TVP23C: variants seen among roughly 807,000 people sequenced by gnomAD.
TVP23C encodes the protein trans-golgi network vesicle protein 23 homolog C, also known as Golgi apparatus membrane protein TVP23 homolog C.
TVP23C carries 19 observed loss-of-function variants against 28.7 expected under a neutral mutation model. The ratio of observed to expected loss-of-function variants is 0.66; its 90% confidence interval spans 0.46 to 0.97. The LOEUF (loss-of-function observed/expected upper bound fraction) is 0.97, where lower values mean the gene tolerates loss of function less well. Ranked by LOEUF, TVP23C falls within the 50% of genes least tolerant of loss-of-function variation. The pLI is 0.00. For synonymous variants in TVP23C, 68 were observed against 81.7 expected (o/e 0.83, Z 0.90); for missense variants, 186 against 241.3 (o/e 0.77, Z 1.52).
intron 5 of TVP23C, among the ~76,000 whole-genome samples, chr17:15,518,283 G>A (rs1192292926): frequency 6.6e-6 from 1 of 152,060 alleles, no homozygotes; most frequent in Non-Finnish European, 1.5e-5. Context: ...ATATAAGGGG[G>A]TTCAGAGATG....
intron 1 of TVP23C, among the ~76,000 whole-genome samples, chr17:15,557,993 T>C (rs1237081978): frequency 1.3e-5 from 2 of 149,276 alleles, no homozygotes; most frequent in African/African-American, 2.4e-5. Flanking sequence ...TTCAGATCTA[T>C]GAAACTAGTG....
chr17:15,507,063 C>A lies in TVP23C; in HGVS notation c.463-3831G>T. On this transcript the variant is annotated intron_variant, in intron 5 of 5. Transcript: ENST00000225576. ...CAGAGTTTATGTGTCAGGGCGGTGA[C>A]TTCACATGCCATAATGGCACTGGTG... 3.3e-6 allele frequency: 4 copies of A among 1,230,232 alleles called. No homozygotes were observed. The South Asian group carries it at 4.8e-5, about 15-fold the overall frequency. 76.2% of individuals were successfully genotyped at this position (1,230,232 alleles called of 1,614,324 possible). A position where few individuals can be genotyped will look rare whatever the true frequency, so the allele number is the denominator to read the frequency against.
downstream of TVP23C, among the ~76,000 whole-genome samples, chr17:15,533,668 CACCATGGGGA>C (rs1198692385): frequency 2.0e-5 from 3 of 152,110 alleles, no homozygotes; most frequent in African/African-American, 7.2e-5. Context: ...AGAGATCACA[CACCATGGGGA>C]ACCATGGGGT....
rs1983271702 is a variant in TVP23C at position 15,538,755 on chromosome 17, T to C, written c.*1657A>G. On this transcript the variant is annotated 3_prime_UTR_variant, in exon 6 of 6. Coordinates refer to ENST00000518321, the MANE Select transcript of TVP23C (RefSeq NM_001135036.2). ...GCCAGGTTTAAGGTTTAATTTCACCTGTATTCCATGTTCCTCCCCACCTTC... is the reference window on the plus strand; with the variant it reads ...GCCAGGTTTAAGGTTTAATTTCACCCGTATTCCATGTTCCTCCCCACCTTC... The C allele has an allele frequency of 2.0e-6, 2 of 985,316 alleles. No individual in the cohort carries two copies. The highest frequency in any genetic ancestry group is 4.7e-5 in the South Asian group (1 of 21,296). The allele number at this position is 985,316 out of a possible 1,614,324, so 61.0% of individuals were successfully genotyped here.
Position 15,545,911 on chromosome 17 carries a change from G to A in TVP23C, c.336C>T (p.Ser112=), listed in dbSNP as rs759271824. The part of the protein sequence containing the change: ...SHWVFESRKE[S]SQENKTVSEA... Reference sequence around the variant, plus strand: ...CTGACACAGTTTTATTCTCTTGAGAGGACTCCTATAAAAGAACATAAATTC... The same window carrying A: ...CTGACACAGTTTTATTCTCTTGAGAAGACTCCTATAAAAGAACATAAATTC... Residue 112 remains serine, a synonymous_variant, in exon 5 of 6, where the codon TCC becomes TCT. Transcript: ENST00000518321. 114 of 1,610,346 alleles carry A rather than the reference G, an allele frequency of 7.1e-5. No individual in the cohort carries two copies. The highest frequency in any genetic ancestry group is 1.7e-5 in the Admixed American group (1 of 58,570).
chr17:15,510,016 T>C (rs528013677), intron 5 of TVP23C, among the ~76,000 whole-genome samples: 2 of 152,342 alleles, frequency 1.3e-5, no homozygotes, highest in South Asian at 2.1e-4. Context: ...TGGTAAGACA[T>C]ACCCTGATTT....
intron 5 of TVP23C, among the ~76,000 whole-genome samples, chr17:15,504,951 C>A (rs1011437665): frequency 1.3e-5 from 2 of 152,122 alleles, no homozygotes; most frequent in Admixed American, 6.6e-5. Context: ...TTCCATTGAT[C>A]TTCTTCTGGA....
chr17:15,507,867 C>T (rs373283347), intron 5 of TVP23C, among the ~76,000 whole-genome samples: 1 of 151,704 alleles, frequency 6.6e-6, no homozygotes, highest in Admixed American at 6.6e-5. Context: ...AACTAAATAA[C>T]AAAAAAAAGA....
In TVP23C at chr17:15,538,078, A is replaced by G; in HGVS notation, c.*2334T>C. 6.2e-7 allele frequency: 1 copy of G among 1,610,070 alleles called. No homozygotes were observed. The highest frequency in any genetic ancestry group is 8.5e-7 in the Non-Finnish European group (1 of 1,178,598). On this transcript the variant is annotated 3_prime_UTR_variant, in exon 6 of 6. Coordinates refer to ENST00000518321, the MANE Select transcript of TVP23C (RefSeq NM_001135036.2). ...TAAGCTCTAAAAGGTTGAGTCAAGA[A>G]TCTCTTCAGTTGTTCCCCAATGTAA...
rs1303314233 is a variant in TVP23C, at chr17:15,559,556, C to T, written c.12+3881G>A. ...TGACTCACCTGTTAGAAAGAGAATT[C>T]TGGCTACTGTAGTAAAAATCTGGAG... On this transcript the variant is annotated intron_variant, in intron 1 of 5. Coordinates refer to ENST00000518321, the MANE Select transcript of TVP23C (RefSeq NM_001135036.2). Among the ~76,000 whole-genome samples the T allele has an allele frequency of 3.4e-5, 5 of 148,354 alleles. No homozygotes were observed. In the East Asian group the frequency reaches 9.8e-4, roughly 29 times the overall value.
rs982507106 is a variant in TVP23C at position 15,538,330 on chromosome 17, C to T, written c.*2082G>A. 1.3e-5 allele frequency: 12 copies of T among 949,666 alleles called. No individual in the cohort carries two copies. The highest frequency in any genetic ancestry group is 5.3e-5 in the African/African-American group (3 of 56,294). The allele number at this position is 949,666 out of a possible 1,614,324, so 58.8% of individuals were successfully genotyped here. A position where few individuals can be genotyped will look rare whatever the true frequency, so the allele number is the denominator to read the frequency against. On this transcript the variant is annotated 3_prime_UTR_variant, in exon 6 of 6. Coordinates refer to ENST00000518321, the MANE Select transcript of TVP23C (RefSeq NM_001135036.2). ...GCTAGGCTGGGCGCCGTGGCTTACA[C>T]CTGTAATCCCAGCACTTTGGGAGGC...
intron 5 of TVP23C, among the ~76,000 whole-genome samples, chr17:15,542,036 C>T (rs945271183): frequency 7.9e-5 from 12 of 152,220 alleles, no homozygotes; most frequent in South Asian, 2.1e-4. Context: ...CAGCAAACAG[C>T]GTTTTTAAAA....
At chr17:15,541,102 T>C (rs905875662) in intron 5 of TVP23C, among the ~76,000 whole-genome samples, 29 of 152,180 alleles carry the variant, frequency 1.9e-4, no homozygotes, top group Non-Finnish European at 3.7e-4. Context: ...GAGAGACAGC[T>C]CCAAGGGGAA....
chr17:15,509,485 G>A (rs1981911625), intron 5 of TVP23C, among the ~76,000 whole-genome samples: 1 of 152,258 alleles, frequency 6.6e-6, no homozygotes, highest in South Asian at 2.1e-4. Context: ...CCTACCAGCT[G>A]CACCTTTGCG....
At chr17:15,505,855 T>C (rs1981708471) in intron 5 of TVP23C, among the ~76,000 whole-genome samples, 1 of 152,226 alleles carries the variant, frequency 6.6e-6, no homozygotes, top group African/African-American at 2.4e-5. Flanking sequence ...TACGGTGTAC[T>C]GGGTCCCCCA....
chr17:15,517,256 C>A, intron 5 of TVP23C, among the ~76,000 whole-genome samples: 1 of 152,212 alleles, frequency 6.6e-6, no homozygotes, highest in East Asian at 1.9e-4. Flanking sequence ...TAGCCCTGTT[C>A]ATTCAGTCCT....
chr17:15,510,682 C>G, intron 5 of TVP23C, among the ~76,000 whole-genome samples: 1 of 152,172 alleles, frequency 6.6e-6, no homozygotes. Flanking sequence ...CAAGTTCTAG[C>G]AACATGTCAG....
In TVP23C at chr17:15,540,495, G is replaced by A. The variant is rs191121111; in HGVS notation, c.529C>T (p.Arg177Cys). Residue 177 changes from arginine to cysteine, a missense_variant, in exon 6 of 6, where the codon CGC becomes TGC. Arg to Cys is a radical substitution (Grantham distance 180). Transcript: ENST00000518321. Reference sequence around the variant, plus strand: ...ATGCTGGTTAAATGCTTTCTGCTGCGCACCTTACACCTGATGTAACCATAC... The same window carrying A: ...ATGCTGGTTAAATGCTTTCTGCTGCACACCTTACACCTGATGTAACCATAC... ...NLYGYIRCKV[R>C]SRKHLTSMAT... 141 of 1,611,972 alleles carry A rather than the reference G, an allele frequency of 8.7e-5. No homozygotes were observed. Among genetic ancestry groups the A allele is most frequent in the Admixed American group, 2.2e-4 (13 of 59,338 alleles).
At chr17:15,557,016 A>T (rs1984162604) in intron 1 of TVP23C, among the ~76,000 whole-genome samples, 1 of 149,814 alleles carries the variant, frequency 6.7e-6, no homozygotes, top group African/African-American at 2.4e-5. Context: ...GTCTCTAAGA[A>T]CACTACGGTC....
Sources: gnomAD v4.1 joint callset for allele counts (sites outside exome capture counted in the v4.1 genomes callset) on GRCh38, gnomAD v4.1.1 for gene constraint, MANE v1.5 for transcripts, NCBI Gene and HGNC (gene_info 2026-07-23, HGNC 2026-07-21) for gene names.